The following IL2RB variants were observed in gnomAD, a reference collection of about 807,000 sequenced individuals.
The protein encoded by IL2RB is interleukin-2 receptor subunit beta.
A neutral mutation model predicts 44.2 loss-of-function variants in IL2RB; 17 were observed. The observed-to-expected ratio is 0.38, with a 90% confidence interval of 0.26 to 0.58. The LOEUF is 0.58. IL2RB is among the 20% of genes least tolerant of loss of function. The pLI, the probability that IL2RB is intolerant of heterozygous loss-of-function variation, is 0.63. For synonymous variants in IL2RB, 286 were observed against 297.9 expected, an observed-to-expected ratio of 0.96 and a Z score of 0.41; for missense variants, 624 against 685.5, an observed-to-expected ratio of 0.91 and a Z score of 1.00.
At chr22:37,133,275 T>C (rs910925254) in intron 8 of IL2RB, among the ~76,000 whole-genome samples, 1 of 152,172 alleles carries the variant, frequency 6.6e-6, no homozygotes, top group African/African-American at 2.4e-5. Context: ...ATGGTTTCCC[T>C]GAAGGCCTGC....
intron 7 of IL2RB, among the ~76,000 whole-genome samples, chr22:37,135,719 TGG>T (rs1354362596): frequency 1.7e-4 from 16 of 92,504 alleles, no homozygotes; most frequent in African/African-American, 7.0e-4. Flanking sequence ...CACAGCAGCC[TGG>T]GCTCCAGCTG....
At chr22:37,135,528 C>T in intron 7 of IL2RB, 86 bp from the exon 8 acceptor site, 1 of 795,510 alleles carries the variant, frequency 1.3e-6, no homozygotes, top group Admixed American at 1.9e-5. Flanking sequence ...ACACCCCCAT[C>T]CAGGGCCCTG....
At chr22:37,161,172 T>A (rs1365243335) in intron 1 of IL2RB, among the ~76,000 whole-genome samples, 1 of 151,952 alleles carries the variant, frequency 6.6e-6, no homozygotes, top group African/African-American at 2.4e-5. Flanking sequence ...CGTGAAAACC[T>A]CCCATTTAAA....
chr22:37,157,770 T>C (rs752634747), intron 1 of IL2RB, among the ~76,000 whole-genome samples: 8 of 152,100 alleles, frequency 5.3e-5, no homozygotes, highest in East Asian at 1.9e-4. Context: ...CCAGGAGCTC[T>C]TGGACAACAG....
chr22:37,161,651 G>A (rs1922879709), intron 1 of IL2RB: 1 of 151,792 alleles, frequency 6.6e-6, no homozygotes, highest in African/African-American at 2.4e-5. Context: ...CACAGGCTGG[G>A]AAAGTGAGCA....
intron 7 of IL2RB, 107 bp downstream of exon 7, chr22:37,136,121 A>T: frequency 8.3e-7 from 1 of 1,207,214 alleles, no homozygotes; most frequent in Non-Finnish European, 1.1e-6. Flanking sequence ...TGAGGGATGG[A>T]GCTGACTGCT....
At chr22:37,142,408 A>G (rs1922011520) in intron 4 of IL2RB, 26 bp downstream of exon 4, 1 of 1,606,198 alleles carries the variant, frequency 6.2e-7, no homozygotes, top group East Asian at 2.2e-5. Flanking sequence ...CTCTCCCTGC[A>G]CTCTCTCCCT....
At chr22:37,154,969 C>T (rs1018545222) in intron 1 of IL2RB, among the ~76,000 whole-genome samples, 9 of 152,152 alleles carry the variant, frequency 5.9e-5, no homozygotes, top group African/African-American at 2.2e-4. Context: ...AGGCCCTCAC[C>T]CCTCCTCAGA....
At chr22:37,164,647 T>C (rs1923006721) in intron 1 of IL2RB, among the ~76,000 whole-genome samples, 2 of 152,110 alleles carry the variant, frequency 1.3e-5, no homozygotes, top group Non-Finnish European at 1.5e-5. Flanking sequence ...ACCTCCTGTC[T>C]GTCCCTTCTC....
At position 37,143,046 on chromosome 22, in the gene IL2RB, G is replaced by A. The variant is rs576123493; in HGVS notation, c.203+475C>T. Among the ~76,000 whole-genome samples the A allele has an allele frequency of 6.6e-5, 10 of 152,124 alleles. No individual in the cohort carries two copies. The South Asian group carries it at 2.1e-3, about 32-fold the overall frequency. On this transcript the variant is annotated intron_variant, in intron 3 of 9. Coordinates refer to ENST00000216223, the MANE Select transcript of IL2RB (RefSeq NM_000878.5). ...TCAGTCCCTCACTCACTGGCCGCCT[G>A]GATGTTTACATCACAGTGACATCTC...
chr22:37,168,706 C>T (rs908429753), intron 1 of IL2RB, among the ~76,000 whole-genome samples: 7 of 152,130 alleles, frequency 4.6e-5, no homozygotes, highest in African/African-American at 7.2e-5. Context: ...TTCCATAGGC[C>T]GGAATGGGTC....
chr22:37,132,330 C>T (rs759308601), intron 9 of IL2RB, 54 bp downstream of exon 9: 266 of 1,411,358 alleles, frequency 1.9e-4, no homozygotes, highest in Non-Finnish European at 2.6e-4. Flanking sequence ...CCTGCCACCC[C>T]CTCATCCCAC....
chr22:37,154,882 A>G (rs898618821), upstream of IL2RB, among the ~76,000 whole-genome samples: 2 of 151,742 alleles, frequency 1.3e-5, no homozygotes, highest in South Asian at 4.2e-4. Context: ...CCATCCCTCT[A>G]TCTCTTTCTC....
upstream of IL2RB, among the ~76,000 whole-genome samples, chr22:37,150,648 T>G (rs991112498): frequency 1.3e-5 from 2 of 152,224 alleles, no homozygotes; most frequent in Admixed American, 6.5e-5. Flanking sequence ...AAAGTCACCC[T>G]GTTATGCTAT....
chr22:37,135,967 C>G (rs904453468), intron 7 of IL2RB, among the ~76,000 whole-genome samples: 2 of 152,164 alleles, frequency 1.3e-5, no homozygotes, highest in Non-Finnish European at 2.9e-5. Context: ...CAGAAGAAAC[C>G]AGGAGTTGGA....
At position 37,128,442 on chromosome 22, in the gene IL2RB, C is replaced by A; in HGVS notation, c.1310G>T (p.Gly437Val). Residue 437 changes from glycine (G) to valine (V), a missense_variant, in exon 10 of 10, where the codon GGC (glycine) becomes GTC (valine). Coordinates refer to ENST00000216223, the MANE Select transcript of IL2RB (RefSeq NM_000878.5). This position sits in a 1 kb window ranked among gnomAD's most constrained non-coding sequence, Gnocchi z 4.5. The stretch of plus-strand genomic sequence containing the variant: ...AGGGGCAGTGCTTGGGGGGCTGGGG[C>A]CACCGAGGAGACTGGGGGAGAAGAG... The part of the protein sequence containing the change: ...LLLFSPSLLG[G>V]PSPPSTAPGG... 6.5e-7 allele frequency: 1 copy of A among 1,546,514 alleles called. No homozygotes were observed. Among genetic ancestry groups the A allele is most frequent in the Non-Finnish European group, 8.7e-7 (1 of 1,144,686 alleles).
intron 8 of IL2RB, among the ~76,000 whole-genome samples, chr22:37,133,824 C>T (rs1353494408): frequency 6.6e-6 from 1 of 152,218 alleles, no homozygotes; most frequent in East Asian, 1.9e-4. Context: ...TCCTGCCCCA[C>T]CCACTTCTGT....
upstream of IL2RB, among the ~76,000 whole-genome samples, chr22:37,153,376 G>A (rs1404775169): frequency 2.0e-5 from 3 of 152,232 alleles, no homozygotes; most frequent in Non-Finnish European, 4.4e-5. Context: ...GAAGAAGCGT[G>A]GAGCACTGCT....
At chr22:37,136,572 C>T (rs1921715647) in intron 6 of IL2RB, among the ~76,000 whole-genome samples, 179 bp from the exon 7 acceptor site, 1 of 151,682 alleles carries the variant, frequency 6.6e-6, no homozygotes, top group Non-Finnish European at 1.5e-5. Flanking sequence ...CCCTAAAGCC[C>T]AAGTCATCAG....
Sources: allele counts gnomAD v4.1 joint callset (sites outside exome capture counted in the v4.1 genomes callset), GRCh38; gene constraint gnomAD v4.1.1; non-coding constraint Gnocchi (gnomAD v3.1); transcripts MANE v1.5; gene names NCBI Gene and HGNC (gene_info 2026-07-23, HGNC 2026-07-21).